FOXN3: variants seen among roughly 807,000 people sequenced by gnomAD.
FOXN3 encodes forkhead box protein N3.
A neutral mutation model predicts 38.4 loss-of-function variants in FOXN3; 7 were observed. The observed-to-expected ratio is 0.18, with a 90% CI of 0.10 to 0.34. FOXN3 has a LOEUF of 0.34. Among genes scored for constraint, FOXN3 ranks in the 10% least tolerant of loss-of-function variants. The pLI is 1.00. For missense variants in FOXN3, 456 were observed against 613.4 expected (o/e 0.74, Z 2.71); for synonymous variants, 230 against 242.2 (o/e 0.95, Z 0.47).
At chr14:89,285,362 T>C (rs1179216797) in intron 3 of FOXN3, among the ~76,000 whole-genome samples, 1 of 151,708 alleles carries the variant, frequency 6.6e-6, no homozygotes, top group African/African-American at 2.4e-5. Context: ...CCACTAAAAA[T>C]ACAAAAATTA....
intron 2 of FOXN3, among the ~76,000 whole-genome samples, chr14:89,374,657 T>A (rs971680934): frequency 1.3e-5 from 2 of 151,974 alleles, no homozygotes; most frequent in African/African-American, 4.8e-5. Flanking sequence ...TTATGCAGAG[T>A]AAAAGAAGTT....
rs1479402894 is a variant in FOXN3, at chr14:89,161,584, TGTGTGTGTGTGTGC to T, written c.*816_*829del. 20 of 145,870 alleles carry T rather than the reference TGTGTGTGTGTGTGC, an allele frequency of 1.4e-4. No individual in the cohort carries two copies. Among genetic ancestry groups the T allele is most frequent in the East Asian group, 5.9e-4 (3 of 5,122 alleles). The allele number at this position is 145,870 out of a possible 1,614,324, so 9.0% of individuals were successfully genotyped here. Reference sequence around the variant, plus strand: ...GTGTGTGTGTGTGTGTGTGTGTGTGTGTGTGTGTGTGTGCGTGCGTGCACAGGGCCAATCTTCAG... The same window carrying T: ...GTGTGTGTGTGTGTGTGTGTGTGTGTGTGCGTGCACAGGGCCAATCTTCAG... On this transcript the variant is annotated 3_prime_UTR_variant, in exon 6 of 6. Coordinates refer to ENST00000557258, the MANE Select transcript of FOXN3 (RefSeq NM_005197.4).
intron 4 of FOXN3, among the ~76,000 whole-genome samples, chr14:89,249,852 G>A (rs900126248): frequency 1.5e-4 from 23 of 152,148 alleles, no homozygotes; most frequent in African/African-American, 5.1e-4. Context: ...AGGTAACAGC[G>A]GTTCTATACA....
chr14:89,518,930 G>A (rs972842389), intron 1 of FOXN3, among the ~76,000 whole-genome samples: 14 of 152,160 alleles, frequency 9.2e-5, no homozygotes, highest in African/African-American at 2.7e-4. Flanking sequence ...CAGGAGAATC[G>A]CTTGAGCCCG....
At chr14:89,569,976 C>T (rs1471155704) in intron 1 of FOXN3, among the ~76,000 whole-genome samples, 2 of 151,640 alleles carry the variant, frequency 1.3e-5, no homozygotes, top group Non-Finnish European at 2.9e-5. Context: ...ACAGGGAAGA[C>T]AGGAAACACG....
chr14:89,505,260 CTCTCCCTCTCCT>C (rs1893889436), intron 1 of FOXN3, among the ~76,000 whole-genome samples: 1 of 151,542 alleles, frequency 6.6e-6, no homozygotes, highest in African/African-American at 2.4e-5. Flanking sequence ...CTCCCTCTCC[CTCTCCCTCTCCT>C]TCTCCCTCCC....
At chr14:89,333,986 A>ATATATATATC (rs1888351127) in intron 3 of FOXN3, among the ~76,000 whole-genome samples, 7 of 115,552 alleles carry the variant, frequency 6.1e-5, no homozygotes, top group African/African-American at 1.9e-4. Flanking sequence ...ATATATATAT[A>ATATATATATC]TATATATATA....
intron 3 of FOXN3, among the ~76,000 whole-genome samples, chr14:89,294,256 A>G (rs1202493206): frequency 6.6e-6 from 1 of 152,118 alleles, no homozygotes; most frequent in East Asian, 1.9e-4. Flanking sequence ...CTCAAAGCAC[A>G]ATATCTTCAG....
intron 1 of FOXN3, among the ~76,000 whole-genome samples, chr14:89,511,128 CTTTCTTTCTTTCTTT>C (rs1334482093): frequency 0.067 from 2,814 of 41,890 alleles, 504 homozygotes; most frequent in Admixed American, 0.14. Context: ...TGGTGTCTTT[CTTTCTTTCTTTCTTT>C]TCTTTCTTTC....
intron 3 of FOXN3, among the ~76,000 whole-genome samples, chr14:89,312,583 A>C (rs944385310): frequency 6.6e-6 from 1 of 152,058 alleles, no homozygotes; most frequent in Non-Finnish European, 1.5e-5. Flanking sequence ...CTTGGTCCAT[A>C]AATTCAGCTT....
upstream of FOXN3, chr14:89,419,141 T>C (rs1232937102): frequency 2.2e-6 from 1 of 456,092 alleles, no homozygotes; most frequent in Non-Finnish European, 4.4e-6. Context: ...TATTTCTTAA[T>C]TTCTCTCTCC....
chr14:89,391,353 C>T (rs1002682617), intron 2 of FOXN3, among the ~76,000 whole-genome samples: 5 of 152,218 alleles, frequency 3.3e-5, no homozygotes, highest in Non-Finnish European at 7.3e-5. Flanking sequence ...ACTGAGTCAT[C>T]GTGAACAAAG....
intron 5 of FOXN3, among the ~76,000 whole-genome samples, chr14:89,178,119 C>G (rs1290559924): frequency 6.6e-6 from 1 of 152,062 alleles, no homozygotes; most frequent in Non-Finnish European, 1.5e-5. Context: ...GGGATCCTCC[C>G]ACCTCAGCCT....
At chr14:89,329,995 C>T (rs1298353834) in intron 3 of FOXN3, among the ~76,000 whole-genome samples, 3 of 151,918 alleles carry the variant, frequency 2.0e-5, no homozygotes, top group Non-Finnish European at 4.4e-5. Flanking sequence ...ATGATGTGTG[C>T]CAGCCATCCC....
chr14:89,317,023 A>G (rs1887739460), intron 3 of FOXN3, among the ~76,000 whole-genome samples: 1 of 152,174 alleles, frequency 6.6e-6, no homozygotes, highest in Non-Finnish European at 1.5e-5. Flanking sequence ...GCAGGAGCTA[A>G]CTCATATAAC....
intron 4 of FOXN3, among the ~76,000 whole-genome samples, chr14:89,216,086 G>A (rs2139837068): frequency 6.6e-6 from 1 of 152,316 alleles, no homozygotes; most frequent in African/African-American, 2.4e-5. Context: ...AGTGCCCTAT[G>A]GGGCTACAGG....
At chr14:89,583,943 G>A (rs529899103) in intron 1 of FOXN3, among the ~76,000 whole-genome samples, 2 of 151,656 alleles carry the variant, frequency 1.3e-5, no homozygotes, top group Admixed American at 6.6e-5. Flanking sequence ...TGCAACCTCC[G>A]CCTCCCGGGT....
intron 3 of FOXN3, among the ~76,000 whole-genome samples, chr14:89,322,266 T>C (rs1887918499): frequency 6.6e-6 from 1 of 152,186 alleles, no homozygotes; most frequent in African/African-American, 2.4e-5. Context: ...AAGAAACATT[T>C]AATTCCAGAG....
At chr14:89,434,321 G>A (rs1428091245) in intron 1 of FOXN3, among the ~76,000 whole-genome samples, 19 of 136,214 alleles carry the variant, frequency 1.4e-4, no homozygotes, top group South Asian at 2.4e-4. Flanking sequence ...TCCACCTCCC[G>A]GATTCAAGTG....
Sources: allele counts gnomAD v4.1 joint callset (sites outside exome capture counted in the v4.1 genomes callset), GRCh38; gene constraint gnomAD v4.1.1; transcripts MANE v1.5; gene names NCBI Gene and HGNC (gene_info 2026-07-23, HGNC 2026-07-21).